The following TMEM59 variants were observed in gnomAD, a reference collection of about 807,000 sequenced individuals.
TMEM59 encodes transmembrane protein 59.
TMEM59 carries 44 observed loss-of-function variants against 42.2 expected under a neutral mutation model. The observed-to-expected ratio is 1.04, with a 90% confidence interval of 0.82 to 1.34. The LOEUF (loss-of-function observed/expected upper bound fraction) is 1.34. Ranked by LOEUF, TMEM59 falls within the 40% of genes most tolerant of loss-of-function variation. The pLI is 0.00. For missense variants in TMEM59, 359 were observed against 382.8 expected, an observed-to-expected ratio of 0.94 and a Z score of 0.52; for synonymous variants, 148 against 145.8, an observed-to-expected ratio of 1.02 and a Z score of -0.11.
intron 2 of TMEM59, among the ~76,000 whole-genome samples, chr1:54,046,366 T>C (rs1288154440): frequency 1.3e-5 from 2 of 152,306 alleles, no homozygotes; most frequent in Non-Finnish European, 2.9e-5. Context: ...AAAATTGAAC[T>C]AGAAAATGTT....
intron 1 of TMEM59, chr1:54,047,703 G>A (rs1657391107): frequency 7.3e-6 from 2 of 275,326 alleles, no homozygotes; most frequent in South Asian, 3.7e-5. Flanking sequence ...GCTCACACCT[G>A]TAATCCCAGG....
At chr1:54,033,475 G>A (rs892469756) in intron 7 of TMEM59, 4 of 151,598 alleles carry the variant, frequency 2.6e-5, no homozygotes, top group African/African-American at 9.7e-5. Flanking sequence ...GGTGGTACAT[G>A]CCTGTAATTC....
chr1:54,040,841 C>CT lies in TMEM59; in HGVS notation c.626-5dup, dbSNP rs1235925848. On this transcript the variant is annotated splice_region_variant and splice_polypyrimidine_tract_variant and intron_variant, in intron 5 of 7. Transcript: ENST00000234831. ...TGTGAATTTCTCATTTGCAGATCTG[C>CT]TGAAATAGTAAGTATGAGTTTATTA... 1 of 1,612,926 alleles carries CT rather than the reference C, an allele frequency of 6.2e-7. No homozygotes were observed.
At chr1:54,053,456 G>C (rs1162788870), upstream of TMEM59, 1 of 486,150 alleles carries the variant, frequency 2.1e-6, no homozygotes, top group African/African-American at 1.9e-5. Context: ...TCTTCCCTTC[G>C]CGGGGCAGGC....
chr1:54,048,960 T>C (rs1467348483), intron 1 of TMEM59, among the ~76,000 whole-genome samples: 1 of 152,250 alleles, frequency 6.6e-6, no homozygotes, highest in Non-Finnish European at 1.5e-5. Flanking sequence ...GCAGGCTTTG[T>C]AAAACAGTTA....
intron 1 of TMEM59, 78 bp from the exon 2 acceptor site, chr1:54,047,450 A>T: frequency 1.7e-6 from 2 of 1,155,882 alleles, no homozygotes; most frequent in Non-Finnish European, 2.5e-6. Flanking sequence ...TTAGGAAGAA[A>T]GCAGTTAGTA....
intron 4 of TMEM59, 108 bp from the exon 5 acceptor site, chr1:54,041,913 G>T: frequency 2.5e-6 from 2 of 796,928 alleles, no homozygotes; most frequent in Non-Finnish European, 4.0e-6. Flanking sequence ...AGAAAAAGTA[G>T]CAGAAATACT....
chr1:54,037,084 G>T (rs1328333192), intron 6 of TMEM59, among the ~76,000 whole-genome samples: 1 of 152,108 alleles, frequency 6.6e-6, no homozygotes, highest in Non-Finnish European at 1.5e-5. Context: ...TACGATACTT[G>T]CTTTAAGAAA....
chr1:54,040,833 C>A lies in TMEM59; in HGVS notation c.630G>T (p.Leu210=). The change falls in exon 6 of 8, where the codon CTG becomes CTT. Residue 210 remains leucine (L), a synonymous_variant. Transcript: ENST00000234831. ...RESSLSKMSY[L]QMRNSQAHRN... is the part of the protein sequence containing the mutation. ...TGTGCGCTTGTGAATTTCTCATTTG[C>A]AGATCTGCTGAAATAGTAAGTATGA... The A allele has an allele frequency of 1.2e-5, 19 of 1,613,282 alleles. No homozygotes were observed. The highest frequency in any genetic ancestry group is 1.6e-5 in the Non-Finnish European group (19 of 1,179,488).
intron 1 of TMEM59, among the ~76,000 whole-genome samples, chr1:54,052,481 G>GCTA (rs749534907): frequency 1.3e-5 from 2 of 152,150 alleles, no homozygotes; most frequent in Non-Finnish European, 2.9e-5. Context: ...TGAGCGTCTC[G>GCTA]CTACTCCCTG....
chr1:54,047,677 C>G, intron 1 of TMEM59: 1 of 306,324 alleles, frequency 3.3e-6, no homozygotes, highest in South Asian at 3.2e-5. Flanking sequence ...CTAATAGTGA[C>G]AGGCCAGGTG....
chr1:54,047,265 AC>A lies in TMEM59; in HGVS notation c.295+1del, dbSNP rs757124752. The A allele has an allele frequency of 5.0e-6, 8 of 1,611,490 alleles. No individual in the cohort carries two copies. Among genetic ancestry groups the A allele is most frequent in the Non-Finnish European group, 5.9e-6 (7 of 1,178,452 alleles). On this transcript the variant is annotated splice_donor_variant, in intron 2 of 7. Transcript: ENST00000234831. LOFTEE classifies it high-confidence loss of function. ...GCTGATGTCGTTAGCATAGCATCTT[AC>A]CAGATTCACATTCCAATTTAGTTCG...
intron 1 of TMEM59, among the ~76,000 whole-genome samples, chr1:54,049,112 C>T (rs987873844): frequency 2.5e-4 from 38 of 152,270 alleles, no homozygotes; most frequent in African/African-American, 8.2e-4. Flanking sequence ...GTACCAATTT[C>T]GGAAAACCAT....
At chr1:54,051,719 G>A (rs143561728) in intron 1 of TMEM59, among the ~76,000 whole-genome samples, 37 of 152,258 alleles carry the variant, frequency 2.4e-4, no homozygotes, top group African/African-American at 7.7e-4. Context: ...GTTTACAAGA[G>A]GTGGAGAAAA....
chr1:54,030,042 T>C lies in TMEM59; in HGVS notation c.*2108A>G, dbSNP rs373199696. 28 of 152,150 alleles carry C rather than the reference T, an allele frequency of 1.8e-4. No homozygotes were observed. In the East Asian group the frequency reaches 2.5e-3, roughly 14 times the overall value. The allele number at this position is 152,150 out of a possible 1,614,324, so 9.4% of individuals were successfully genotyped here. On this transcript the variant is annotated 3_prime_UTR_variant, in exon 8 of 8. Transcript: ENST00000234831. ...TTTGTCTAAACTTGGATCAATACTTTCAAGAGAAATGAAGGTATCTCAGGC... is the reference window on the plus strand; with the variant it reads ...TTTGTCTAAACTTGGATCAATACTTCCAAGAGAAATGAAGGTATCTCAGGC...
intron 7 of TMEM59, among the ~76,000 whole-genome samples, chr1:54,036,111 C>A (rs977866030): frequency 2.0e-5 from 3 of 152,106 alleles, no homozygotes; most frequent in African/African-American, 7.2e-5. Context: ...TGGTGAAACT[C>A]CATTTCTACT....
intron 1 of TMEM59, 108 bp from the exon 2 acceptor site, chr1:54,047,480 C>G (rs1171152904): frequency 1.2e-6 from 1 of 840,940 alleles, no homozygotes; most frequent in Non-Finnish European, 1.9e-6. Flanking sequence ...ACAAATCGTC[C>G]AGTAAGTTTC....
intron 5 of TMEM59, among the ~76,000 whole-genome samples, 190 bp downstream of exon 5, chr1:54,041,534 T>C (rs1035265862): frequency 2.0e-5 from 3 of 152,234 alleles, no homozygotes; most frequent in Admixed American, 2.0e-4. Flanking sequence ...TTAGAAACTC[T>C]GGAGGTAGGG....
chr1:54,029,076 C>A lies in TMEM59; in HGVS notation c.*3074G>T, dbSNP rs563584263. The A allele has an allele frequency of 6.6e-6, 1 of 152,148 alleles. No homozygotes were observed. The highest frequency in any genetic ancestry group is 1.5e-5 in the Non-Finnish European group (1 of 68,020). The allele number at this position is 152,148 out of a possible 1,614,324, so 9.4% of individuals were successfully genotyped here. ...ACAAAAATGGCTCATTTATCTAAGA[C>A]AAATCCAGACAGACTAATAACAAAG... On this transcript the variant is annotated 3_prime_UTR_variant, in exon 8 of 8. Coordinates refer to ENST00000234831, the MANE Select transcript of TMEM59 (RefSeq NM_004872.5).
Sources: allele counts gnomAD v4.1 joint callset (sites outside exome capture counted in the v4.1 genomes callset), GRCh38; gene constraint gnomAD v4.1.1; transcripts MANE v1.5; gene names NCBI Gene and HGNC (gene_info 2026-07-23, HGNC 2026-07-21).